The following LINGO2 variants were observed in gnomAD, a reference collection of about 807,000 sequenced individuals.
LINGO2 encodes the protein leucine rich repeat and Ig domain containing 2.
A neutral mutation model predicts 30.6 loss-of-function variants in LINGO2; 14 were observed. The observed-to-expected ratio is 0.46, with a 90% CI of 0.30 to 0.72. The LOEUF is 0.72. LINGO2 is among the 30% of genes least tolerant of loss of function. The pLI, the probability that LINGO2 is intolerant of heterozygous loss-of-function variation, is 0.07. For missense variants in LINGO2, 729 were observed against 751.7 expected (o/e 0.97, Z 0.35); for synonymous variants, 317 against 288.5 (o/e 1.10, Z -1.00).
chr9:28,759,131 T>C, the LINGO2 span, among the ~76,000 whole-genome samples: 60 of 152,120 alleles, frequency 3.9e-4, no homozygotes, highest in East Asian at 0.011. Flanking sequence ...TGTGAAGTGC[T>C]CCGATAGCAC....
At chr9:28,526,811 G>A (rs1291254820) in intron 1 of LINGO2, among the ~76,000 whole-genome samples, 2 of 152,224 alleles carry the variant, frequency 1.3e-5, no homozygotes, top group South Asian at 2.1e-4. Context: ...GTTTTACAAC[G>A]TAATAGATTT....
At chr9:28,006,557 T>C (rs2119198956) in intron 5 of LINGO2, among the ~76,000 whole-genome samples, 1 of 152,276 alleles carries the variant, frequency 6.6e-6, no homozygotes, top group South Asian at 2.1e-4. Context: ...ATTTTTTTAT[T>C]AGGAAATCTA....
intron 4 of LINGO2, among the ~76,000 whole-genome samples, chr9:28,046,952 T>C (rs1020686831): frequency 1.2e-4 from 18 of 152,140 alleles, no homozygotes; most frequent in Admixed American, 7.9e-4. Context: ...TGAGAAGTTG[T>C]AGCACAGTGA....
chr9:28,905,710 G>A, the LINGO2 span, among the ~76,000 whole-genome samples: 1 of 151,990 alleles, frequency 6.6e-6, no homozygotes, highest in East Asian at 1.9e-4. Flanking sequence ...ACTGCTGGTG[G>A]CAATGTAAAT....
the LINGO2 span, among the ~76,000 whole-genome samples, chr9:28,784,738 A>C: frequency 6.6e-6 from 1 of 151,986 alleles, no homozygotes; most frequent in Non-Finnish European, 1.5e-5. Flanking sequence ...TGGATCATGA[A>C]GTCAGGAGAT....
chr9:28,487,763 T>A (rs1305229646), intron 1 of LINGO2, among the ~76,000 whole-genome samples: 1 of 152,140 alleles, frequency 6.6e-6, no homozygotes, highest in Admixed American at 6.6e-5. Flanking sequence ...ATTGCTGATA[T>A]GACACAAATG....
chr9:28,756,913 G>A, the LINGO2 span, among the ~76,000 whole-genome samples: 3 of 151,318 alleles, frequency 2.0e-5, no homozygotes, highest in Non-Finnish European at 1.5e-5. Flanking sequence ...TCACCTAAAT[G>A]CCTTAAACTT....
At chr9:27,994,313 CAAATTG>C (rs1216420047) in intron 5 of LINGO2, among the ~76,000 whole-genome samples, 1 of 151,670 alleles carries the variant, frequency 6.6e-6, no homozygotes, top group African/African-American at 2.4e-5. Context: ...AGAAATAAAT[CAAATTG>C]AAACTAAAAA....
At chr9:28,319,385 C>T (rs766830292) in intron 3 of LINGO2, among the ~76,000 whole-genome samples, 1 of 152,102 alleles carries the variant, frequency 6.6e-6, no homozygotes, top group Non-Finnish European at 1.5e-5. Flanking sequence ...TAGATTAAGA[C>T]CACTCAGATA....
the LINGO2 span, among the ~76,000 whole-genome samples, chr9:29,042,500 C>T: frequency 1.3e-5 from 2 of 151,970 alleles, no homozygotes; most frequent in Non-Finnish European, 2.9e-5. Flanking sequence ...ACATGGACTA[C>T]TACTCAACAA....
chr9:28,078,641 A>C (rs1223865101), intron 4 of LINGO2, among the ~76,000 whole-genome samples: 3 of 148,356 alleles, frequency 2.0e-5, no homozygotes, highest in African/African-American at 7.9e-5. Context: ...ACCTGAGGTC[A>C]GGAGTTTGAG....
chr9:28,393,640 G>A (rs145386069), intron 2 of LINGO2, among the ~76,000 whole-genome samples: 189 of 152,270 alleles, frequency 1.2e-3, no homozygotes, highest in African/African-American at 4.4e-3. Flanking sequence ...AAATAGCGAT[G>A]GAGTGGAATG....
intron 4 of LINGO2, among the ~76,000 whole-genome samples, chr9:28,050,298 A>G (rs1824612457): frequency 6.6e-6 from 1 of 150,860 alleles, no homozygotes; most frequent in African/African-American, 2.5e-5. Context: ...AGGAACTCAC[A>G]TGCTGGTAGG....
At chr9:29,151,927 G>C in the LINGO2 span, among the ~76,000 whole-genome samples, 36,889 of 151,910 alleles carry the variant, frequency 0.24, 4,659 homozygotes, top group East Asian at 0.44. Flanking sequence ...AAGATTAAAC[G>C]AGGAAGAAAA....
chr9:28,836,654 ATTTG>A, the LINGO2 span, among the ~76,000 whole-genome samples: 2 of 151,994 alleles, frequency 1.3e-5, no homozygotes, highest in African/African-American at 4.8e-5. Context: ...TTTATTCAAT[ATTTG>A]TTTTAGTTTT....
the LINGO2 span, among the ~76,000 whole-genome samples, chr9:29,145,559 T>C: frequency 9.3e-6 from 1 of 107,802 alleles, no homozygotes; most frequent in African/African-American, 3.2e-5. Flanking sequence ...ATGATAGTTA[T>C]CTGTCTCTGT....
At chr9:28,459,931 T>C (rs1825009500) in intron 2 of LINGO2, among the ~76,000 whole-genome samples, 1 of 152,160 alleles carries the variant, frequency 6.6e-6, no homozygotes, top group Non-Finnish European at 1.5e-5. Context: ...TAAAAACCAA[T>C]AGTTGATTTC....
At chr9:28,297,164 G>A (rs566028597) in intron 3 of LINGO2, among the ~76,000 whole-genome samples, 40 of 152,162 alleles carry the variant, frequency 2.6e-4, no homozygotes, top group African/African-American at 9.4e-4. Context: ...GTGACTTAGC[G>A]CCACTTCTCA....
chr9:29,128,018 G>T, the LINGO2 span, among the ~76,000 whole-genome samples: 8 of 152,076 alleles, frequency 5.3e-5, no homozygotes, highest in Admixed American at 6.6e-5. Context: ...TAAAGCTCAT[G>T]GCTGTCACTC....
Sources: allele counts gnomAD v4.1 joint callset (sites outside exome capture counted in the v4.1 genomes callset), GRCh38; gene constraint gnomAD v4.1.1; transcripts MANE v1.5; gene names NCBI Gene and HGNC (gene_info 2026-07-23, HGNC 2026-07-21).